The following FARP1 variants were observed in gnomAD, a reference collection of about 807,000 sequenced individuals.
The protein encoded by FARP1 is FERM, ARHGEF and pleckstrin domain-containing protein 1.
FARP1 carries 52 observed loss-of-function variants against 128.8 expected under a neutral mutation model. The observed-to-expected ratio is 0.40, with a 90% CI of 0.32 to 0.51. FARP1 has a LOEUF of 0.51. Among genes scored for constraint, FARP1 ranks in the 20% least tolerant of loss-of-function variants. The pLI, the probability that FARP1 is intolerant of heterozygous loss-of-function variation, is 0.45. For missense variants in FARP1, 1,333 were observed against 1,367.9 expected, an observed-to-expected ratio of 0.97 and a Z score of 0.40; for synonymous variants, 580 against 551.8, an observed-to-expected ratio of 1.05 and a Z score of -0.72.
At chr13:98,240,939 C>T (rs1381849749) in intron 2 of FARP1, among the ~76,000 whole-genome samples, 2 of 152,230 alleles carry the variant, frequency 1.3e-5, no homozygotes, top group Non-Finnish European at 2.9e-5. Flanking sequence ...GTTACAAGAT[C>T]TGAAGCTGCT....
intron 3 of FARP1, among the ~76,000 whole-genome samples, chr13:98,344,655 T>C (rs1225188069): frequency 6.6e-6 from 1 of 152,132 alleles, no homozygotes; most frequent in Non-Finnish European, 1.5e-5. Flanking sequence ...AGAACATTCA[T>C]TGTGAAGAGA....
At position 98,350,982 on chromosome 13, in the gene FARP1, A is replaced by ACCCTGCCCAGCCTCGCCTC. The variant is rs771752679; in HGVS notation, c.276+7196_276+7214dup. 2.5e-3 allele frequency among the ~76,000 whole-genome samples: 281 copies of ACCCTGCCCAGCCTCGCCTC among 113,910 alleles called. 19 individuals carry two copies. Among genetic ancestry groups the ACCCTGCCCAGCCTCGCCTC allele is most frequent in the African/African-American group, 5.9e-3 (182 of 30,890 alleles). 74.7% of individuals were successfully genotyped at this position (113,910 alleles called of 152,430 possible). A position where few individuals can be genotyped will look rare whatever the true frequency, so the allele number is the denominator to read the frequency against. ...AGATGAGCCAGTGCTAAACCTGCTTACCCTGCCCAGCCTCGCCTCCCCTGC... is the reference window on the plus strand; with the variant it reads ...AGATGAGCCAGTGCTAAACCTGCTTACCCTGCCCAGCCTCGCCTCCCCTGCCCAGCCTCGCCTCCCCTGC... On this transcript the variant is annotated intron_variant, in intron 3 of 26. Coordinates refer to ENST00000319562, the MANE Select transcript of FARP1 (RefSeq NM_005766.4).
At chr13:98,254,235 T>C (rs148273764) in intron 2 of FARP1, among the ~76,000 whole-genome samples, 5 of 152,364 alleles carry the variant, frequency 3.3e-5, no homozygotes, top group Admixed American at 6.5e-5. Context: ...TATTGGTGTT[T>C]GTGTCATTTT....
At chr13:98,220,348 C>T (rs1348371927) in intron 2 of FARP1, among the ~76,000 whole-genome samples, 1 of 152,168 alleles carries the variant, frequency 6.6e-6, no homozygotes, top group Non-Finnish European at 1.5e-5. Flanking sequence ...CCTTTCAGAC[C>T]TGCAGGGAGG....
chr13:98,174,551 C>CTTAGG (rs768024143), intron 1 of FARP1, among the ~76,000 whole-genome samples: 3 of 152,134 alleles, frequency 2.0e-5, no homozygotes, highest in Non-Finnish European at 4.4e-5. Context: ...AACGGACGGA[C>CTTAGG]TTAGGGGTAG....
In FARP1 at chr13:98,424,563, T is replaced by C. The variant is rs1262063095; in HGVS notation, c.1827-9T>C. The C allele has an allele frequency of 1.3e-6, 2 of 1,597,154 alleles. No homozygotes were observed. Among genetic ancestry groups the C allele is most frequent in the Non-Finnish European group, 1.7e-6 (2 of 1,164,518 alleles). Reference sequence around the variant, plus strand: ...CTTTGTATTTCCAACCCTTTGCTTTTGCTCTCAGGGAAGGCCGCTCAAATG... The same window carrying C: ...CTTTGTATTTCCAACCCTTTGCTTTCGCTCTCAGGGAAGGCCGCTCAAATG... On this transcript the variant is annotated splice_polypyrimidine_tract_variant and intron_variant, in intron 16 of 26. Transcript: ENST00000319562.
intron 8 of FARP1, among the ~76,000 whole-genome samples, chr13:98,386,831 T>C (rs534487417): frequency 6.6e-6 from 1 of 152,322 alleles, no homozygotes; most frequent in East Asian, 1.9e-4. Flanking sequence ...AGTGATTCTC[T>C]ATTCATGCAC....
intron 2 of FARP1, among the ~76,000 whole-genome samples, chr13:98,306,070 T>C (rs1357035289): frequency 6.6e-6 from 1 of 152,226 alleles, no homozygotes; most frequent in Non-Finnish European, 1.5e-5. Context: ...TCACTGATCA[T>C]GCATAACGTG....
rs376932060 is a variant in FARP1 at position 98,176,244 on chromosome 13, C to T, written c.-24+32752C>T. On this transcript the variant is annotated intron_variant, in intron 1 of 26. Coordinates refer to ENST00000319562, the MANE Select transcript of FARP1 (RefSeq NM_005766.4). This position sits in a 1 kb window ranked among gnomAD's most constrained non-coding sequence, Gnocchi z 6.2. ...AAACCTAAGCCATGGGAATTGGACA[C>T]TCATGGGGGTCTTCTGTGAAATGGG... 3 of 1,607,744 alleles carry T rather than the reference C, an allele frequency of 1.9e-6. No homozygotes were observed. Among genetic ancestry groups the T allele is most frequent in the Non-Finnish European group, 2.6e-6 (3 of 1,174,930 alleles).
chr13:98,187,794 T>C (rs556235640), intron 1 of FARP1, among the ~76,000 whole-genome samples: 2 of 152,226 alleles, frequency 1.3e-5, no homozygotes, highest in South Asian at 4.1e-4. Context: ...GTTGGGGACA[T>C]GTACAGTTAG....
Position 98,341,166 on chromosome 13 carries a change from G to T in FARP1, c.172-2596G>T, listed in dbSNP as rs149262192. Among the ~76,000 whole-genome samples the T allele has an allele frequency of 6.2e-4, 94 of 151,846 alleles. 1 individual carries two copies. Among genetic ancestry groups the T allele is most frequent in the African/African-American group, 2.1e-3 (85 of 41,382 alleles). ...TGTTAAAAAAAAAAAAGTACTTAATGTTGAGCATCAAGCAGCATCTTTCTT... is the reference window on the plus strand; with the variant it reads ...TGTTAAAAAAAAAAAAGTACTTAATTTTGAGCATCAAGCAGCATCTTTCTT... On this transcript the variant is annotated intron_variant, in intron 2 of 26. Transcript: ENST00000319562.
chr13:98,297,959 C>T (rs1885770413), intron 2 of FARP1, among the ~76,000 whole-genome samples: 1 of 152,168 alleles, frequency 6.6e-6, no homozygotes, highest in Admixed American at 6.5e-5. Flanking sequence ...ATCTTGTTTG[C>T]CATCATCCTG....
At chr13:98,197,878 G>C (rs1287139007) in intron 1 of FARP1, among the ~76,000 whole-genome samples, 2 of 151,782 alleles carry the variant, frequency 1.3e-5, no homozygotes, top group Non-Finnish European at 2.9e-5. Context: ...CTCGTGATCC[G>C]TTCGCCTCGT....
At chr13:98,303,917 T>G (rs547055902) in intron 2 of FARP1, among the ~76,000 whole-genome samples, 1 of 152,310 alleles carries the variant, frequency 6.6e-6, no homozygotes, top group African/African-American at 2.4e-5. Context: ...AATTTATGCC[T>G]CTTTGATTAG....
At chr13:98,350,980 T>C (rs1178683681) in intron 3 of FARP1, among the ~76,000 whole-genome samples, 2 of 122,684 alleles carry the variant, frequency 1.6e-5, no homozygotes, top group Non-Finnish European at 3.5e-5. Context: ...CTAAACCTGC[T>C]TACCCTGCCC....
At chr13:98,320,777 G>C (rs995546589) in intron 2 of FARP1, among the ~76,000 whole-genome samples, 4 of 152,122 alleles carry the variant, frequency 2.6e-5, no homozygotes, top group African/African-American at 9.7e-5. Flanking sequence ...CCAAAGGTTG[G>C]GCCCTGTGGG....
rs1404712662 is a variant in FARP1, at chr13:98,177,181, G to T, written c.-24+33689G>T. 4 of 1,600,952 alleles carry T rather than the reference G, an allele frequency of 2.5e-6. No individual in the cohort carries two copies. In the Admixed American group the frequency reaches 6.9e-5, roughly 28 times the overall value. On this transcript the variant is annotated intron_variant, in intron 1 of 26. Coordinates refer to ENST00000319562, the MANE Select transcript of FARP1 (RefSeq NM_005766.4). ...CCGTCCAGGCTTTTTGAAGAGGAAGGTGCATACCTGGTCTGCTTGGTCGGC... is the reference window on the plus strand; with the variant it reads ...CCGTCCAGGCTTTTTGAAGAGGAAGTTGCATACCTGGTCTGCTTGGTCGGC...
At chr13:98,167,775 A>C (rs560461165) in intron 1 of FARP1, among the ~76,000 whole-genome samples, 1 of 152,338 alleles carries the variant, frequency 6.6e-6, no homozygotes, top group South Asian at 2.1e-4. Context: ...AAAAGTCTAC[A>C]TTGACTCAAG....
At chr13:98,436,679 A>G (rs1566319087) in intron 19 of FARP1, among the ~76,000 whole-genome samples, 1 of 152,208 alleles carries the variant, frequency 6.6e-6, no homozygotes, top group Non-Finnish European at 1.5e-5. Context: ...CCACGTTGTG[A>G]GAGATTGTCA....
Sources: allele counts gnomAD v4.1 joint callset (sites outside exome capture counted in the v4.1 genomes callset), GRCh38; gene constraint gnomAD v4.1.1; non-coding constraint Gnocchi (gnomAD v3.1); transcripts MANE v1.5; gene names NCBI Gene and HGNC (gene_info 2026-07-23, HGNC 2026-07-21).